The following TKTL1 variants were observed in gnomAD, a reference collection of about 807,000 sequenced individuals.
The protein encoded by TKTL1 is transketolase-like protein 1.
In TKTL1, 1 loss-of-function variant was observed where a neutral mutation model predicts 39.3. That is an observed-to-expected ratio of 0.03 (90% CI 0.01 to 0.12). The LOEUF is 0.12. Ranked by LOEUF, TKTL1 falls within the 10% of genes least tolerant of loss-of-function variation. TKTL1 has a pLI of 1.00. For missense variants in TKTL1, 575 were observed against 509.6 expected (o/e 1.13, Z -1.24); for synonymous variants, 262 against 193.8 (o/e 1.35, Z -2.92).
intron 8 of TKTL1, among the ~76,000 whole-genome samples, chrX:154,322,035 C>A (rs1401653429): frequency 1.8e-5 from 2 of 110,138 alleles, no homozygotes; most frequent in East Asian, 5.6e-4. Context: ...TGGCTCATGC[C>A]TGTAATCCCA....
At chrX:154,305,218 G>T in intron 1 of TKTL1, 86 bp from the exon 2 acceptor site, 1 of 1,180,981 alleles carries the variant, frequency 8.5e-7, no homozygotes, top group Non-Finnish European at 1.1e-6. Context: ...AGAAATGACC[G>T]CTTCTATGAG....
intron 2 of TKTL1, among the ~76,000 whole-genome samples, chrX:154,307,912 T>TG (rs1569550882): frequency 1.8e-5 from 2 of 111,255 alleles, no homozygotes; most frequent in African/African-American, 6.5e-5. Flanking sequence ...AGGGAGTCTC[T>TG]GGGGGGCACA....
chrX:154,304,825 T>C, intron 1 of TKTL1: 1 of 312,679 alleles, frequency 3.2e-6, no homozygotes, highest in African/African-American at 2.8e-5. Context: ...CAGGCCGCTT[T>C]CTAAGAGCAG....
rs782244565 is a variant in TKTL1 at position 154,311,165 on chromosome X, C to T, written c.597C>T (p.Phe199=). ...GRDVEALCQV[F]WQASQVKHKP... Reference sequence around the variant, plus strand: ...ACGTGGAGGCACTGTGCCAGGTATTCTGGCAGGCTTCTCAGGTGAAGCACA... The same window carrying T: ...ACGTGGAGGCACTGTGCCAGGTATTTTGGCAGGCTTCTCAGGTGAAGCACA... Residue 199 remains phenylalanine, a synonymous_variant, in exon 5 of 13, where the codon TTC becomes TTT. Transcript: ENST00000369915. 4.5e-5 allele frequency: 55 copies of T among 1,210,514 alleles called. No individual in the cohort carries two copies. The highest frequency in any genetic ancestry group is 5.8e-5 in the Non-Finnish European group (52 of 895,348).
At chrX:154,311,072 C>T (rs1254519191) in intron 4 of TKTL1, 39 bp from the exon 5 acceptor site, 3 of 1,210,901 alleles carry the variant, frequency 2.5e-6, no homozygotes, top group African/African-American at 1.7e-5. Flanking sequence ...GTCCTGCCCC[C>T]TTCATCTCTT....
At chrX:154,321,412 T>C (rs1235063615) in intron 8 of TKTL1, among the ~76,000 whole-genome samples, 1 of 101,809 alleles carries the variant, frequency 9.8e-6, no homozygotes, top group East Asian at 3.0e-4. Context: ...CTCAGAGTAG[T>C]AGTCACCTGG....
chrX:154,317,195 C>T (rs953723703), intron 7 of TKTL1, among the ~76,000 whole-genome samples: 3 of 112,235 alleles, frequency 2.7e-5, no homozygotes, highest in South Asian at 3.7e-4. Context: ...TAGTCTACTC[C>T]GTCCCTGCTG....
At chrX:154,309,275 CAG>C in intron 2 of TKTL1, 68 bp from the exon 3 acceptor site, 1 of 916,809 alleles carries the variant, frequency 1.1e-6, no homozygotes, top group Non-Finnish European at 1.6e-6. Context: ...AGCCTGCACT[CAG>C]TGCGTGAGTC....
chrX:154,326,671 C>G (rs1557172053), intron 10 of TKTL1, among the ~76,000 whole-genome samples: 1 of 112,653 alleles, frequency 8.9e-6, no homozygotes, highest in Admixed American at 9.4e-5. Context: ...GGTTCTGTTT[C>G]TATGGGGAGG....
At chrX:154,299,149 CTTTTTTT>C (rs1180562974) in intron 1 of TKTL1, among the ~76,000 whole-genome samples, 2 of 35,927 alleles carry the variant, frequency 5.6e-5, no homozygotes, top group Admixed American at 4.0e-4. Context: ...CTTTTTCTTT[CTTTTTTT>C]TTTTTTTTTT....
At chrX:154,315,726 A>G (rs904908464) in intron 7 of TKTL1, among the ~76,000 whole-genome samples, 1 of 111,136 alleles carries the variant, frequency 9.0e-6, no homozygotes, top group Non-Finnish European at 1.9e-5. Flanking sequence ...GGGAATGCAG[A>G]GTTTCCTTCT....
chrX:154,304,738 C>T (rs2067301584), intron 1 of TKTL1, among the ~76,000 whole-genome samples: 1 of 109,586 alleles, frequency 9.1e-6, no homozygotes, highest in East Asian at 2.9e-4. Context: ...GGCAGAGCTC[C>T]AGGGAGTTGG....
chrX:154,301,888 C>T (rs1384552515), intron 1 of TKTL1, among the ~76,000 whole-genome samples: 6 of 108,680 alleles, frequency 5.5e-5, no homozygotes, highest in East Asian at 2.8e-4. Context: ...CCACTGTGCC[C>T]GGCCTAAGTC....
At chrX:154,320,409 G>C in intron 7 of TKTL1, 1 of 255,009 alleles carries the variant, frequency 3.9e-6, no homozygotes, top group African/African-American at 2.7e-5. Flanking sequence ...AGTAGCACAA[G>C]AGGGGAGGAG....
At chrX:154,302,139 G>A (rs781889881) in intron 1 of TKTL1, among the ~76,000 whole-genome samples, 1 of 110,410 alleles carries the variant, frequency 9.1e-6, no homozygotes, top group Non-Finnish European at 1.9e-5. Flanking sequence ...CAATCGCCCT[G>A]TGTTTCCTCA....
intron 7 of TKTL1, among the ~76,000 whole-genome samples, chrX:154,317,395 C>T (rs782293910): frequency 6.3e-5 from 7 of 111,660 alleles, no homozygotes; most frequent in Non-Finnish European, 1.3e-4. Flanking sequence ...TGGGAGACAG[C>T]ATTTCAAGCA....
At chrX:154,319,755 C>T (rs2067433898) in intron 7 of TKTL1, among the ~76,000 whole-genome samples, 2 of 105,209 alleles carry the variant, frequency 1.9e-5, no homozygotes, top group East Asian at 2.9e-4. Context: ...AAAAAAAAGA[C>T]CATGAGGGGA....
At chrX:154,297,772 C>A (rs2148797185) in intron 1 of TKTL1, among the ~76,000 whole-genome samples, 1 of 110,788 alleles carries the variant, frequency 9.0e-6, no homozygotes, top group South Asian at 3.8e-4. Context: ...ATCCCCTGTG[C>A]AGAATGTTAC....
rs140734260 is a variant in TKTL1, at chrX:154,299,543, A to G, written c.134+3550A>G. On this transcript the variant is annotated intron_variant, in intron 1 of 12. Coordinates refer to ENST00000369915, the MANE Select transcript of TKTL1 (RefSeq NM_012253.4). The stretch of plus-strand genomic sequence containing the variant: ...AAATTCTATATTGGTGAATTCTGAG[A>G]TTTTAGTGTACCCATCACCCAAGCA... 4.2e-3 allele frequency among the ~76,000 whole-genome samples: 469 copies of G among 110,380 alleles called. 2 individuals are homozygous for G. The highest frequency in any genetic ancestry group is 7.3e-3 in the Non-Finnish European group (385 of 52,821).
Sources: gnomAD v4.1 joint callset for allele counts (sites outside exome capture counted in the v4.1 genomes callset) on GRCh38, gnomAD v4.1.1 for gene constraint, MANE v1.5 for transcripts, NCBI Gene and HGNC (gene_info 2026-07-23, HGNC 2026-07-21) for gene names.